The following KLRC4 variants were observed in gnomAD, a reference collection of about 807,000 sequenced individuals.
KLRC4 encodes killer cell lectin like receptor C4.
KLRC4 carries 6 observed loss-of-function variants against 14.3 expected under a neutral mutation model. The observed-to-expected ratio is 0.42, with a 90% CI of 0.23 to 0.83. The LOEUF is 0.83. KLRC4 is among the 40% of genes least tolerant of loss of function. The probability of loss-of-function intolerance (pLI) is 0.29; values close to 1 mark genes in which losing one functional copy is unlikely to be tolerated. For synonymous variants in KLRC4, 53 were observed against 60.5 expected (o/e 0.88, Z 0.57); for missense variants, 158 against 179.4 (o/e 0.88, Z 0.68).
chr12:10,409,299 G>C (rs781114780), intron 1 of KLRC4, 90 bp downstream of exon 1: 2 of 1,318,562 alleles, frequency 1.5e-6, no homozygotes. Flanking sequence ...ATTCTCACAA[G>C]TGCAAAATAT....
rs774458783 is a variant in KLRC4, at chr12:10,408,925, T to C, written c.273A>G (p.Ile91Met). ...IVLMATVLKTIVLIPCIGVLE... is the reference protein window; with the variant it reads ...IVLMATVLKTMVLIPCIGVLE... ...GAATATGCTTACAAGGAATAAGAACTATTGTTTTTAACACAGTGGCCATCA... is the reference window on the plus strand; with the variant it reads ...GAATATGCTTACAAGGAATAAGAACCATTGTTTTTAACACAGTGGCCATCA... Residue 91 changes from isoleucine to methionine, a missense_variant, in exon 2 of 4, where the codon ATA becomes ATG. Ile to Met is a conservative substitution (Grantham distance 10, BLOSUM62 1). Coordinates refer to ENST00000309384, the MANE Select transcript of KLRC4 (RefSeq NM_013431.2). 6.2e-7 allele frequency: 1 copy of C among 1,613,748 alleles called. No individual in the cohort carries two copies. The highest frequency in any genetic ancestry group is 2.2e-5 in the East Asian group (1 of 44,866).
chr12:10,409,376 T>C lies in KLRC4; in HGVS notation c.187+13A>G, dbSNP rs562736105. 1.3e-6 allele frequency: 2 copies of C among 1,597,146 alleles called. No individual in the cohort carries two copies. Among genetic ancestry groups the C allele is most frequent in the South Asian group, 1.1e-5 (1 of 90,708 alleles). Reference sequence around the variant, plus strand: ...CTAGAACAATAATATTGAAGATCTATTTAATGTTTTACCTTTGCAGTGATA... The same window carrying C: ...CTAGAACAATAATATTGAAGATCTACTTAATGTTTTACCTTTGCAGTGATA... On this transcript the variant is annotated intron_variant, in intron 1 of 3. Coordinates refer to ENST00000309384, the MANE Select transcript of KLRC4 (RefSeq NM_013431.2).
At chr12:10,409,108 T>C in intron 1 of KLRC4, 98 bp from the exon 2 acceptor site, 3 of 1,317,834 alleles carry the variant, frequency 2.3e-6, no homozygotes, top group Non-Finnish European at 3.2e-6. Context: ...AACATAATGA[T>C]AAACTCTGTC....
chr12:10,407,546 A>C lies in KLRC4; in HGVS notation c.*107T>G, dbSNP rs1457533442. The C allele has an allele frequency of 1.5e-5, 20 of 1,297,996 alleles. No homozygotes were observed. Among genetic ancestry groups the C allele is most frequent in the Non-Finnish European group, 2.1e-5 (20 of 940,990 alleles). The allele number at this position is 1,297,996 out of a possible 1,614,324, so 80.4% of individuals were successfully genotyped here. A position where few individuals can be genotyped will look rare whatever the true frequency, so the allele number is the denominator to read the frequency against. On this transcript the variant is annotated 3_prime_UTR_variant, in exon 4 of 4. Transcript: ENST00000309384. ...CACAGACTTAAAAATATATGAAGTA[A>C]ATATATGTATAAACATATGGATGAT...
chr12:10,409,501 C>T lies in KLRC4; in HGVS notation c.75G>A (p.Lys25=), dbSNP rs776883631. The T allele has an allele frequency of 6.2e-6, 10 of 1,613,834 alleles. No homozygotes were observed. Among genetic ancestry groups the T allele is most frequent in the South Asian group, 1.1e-5 (1 of 91,074 alleles). ...TTCCTGAAATGGAGATTTTATTGCC[C>T]TTAAGTTTCCTTTGCTGCCTCTTTG... The part of the protein sequence containing the change: ...QDPKRQQRKL[K]GNKISISGTK... The change falls in exon 1 of 4, where the codon AAG becomes AAA. Residue 25 remains lysine (K), a synonymous_variant. Transcript: ENST00000309384.
In KLRC4 at chr12:10,408,949, C is replaced by T. The variant is rs767748334; in HGVS notation, c.249G>A (p.Leu83=). 4 of 1,613,606 alleles carry T rather than the reference C, an allele frequency of 2.5e-6. No individual in the cohort carries two copies. The Admixed American group carries it at 6.7e-5, about 27-fold the overall frequency. Residue 83 remains leucine, a synonymous_variant, in exon 2 of 4, where the codon CTG becomes CTA. Transcript: ENST00000309384. ...CTATTGTTTTTAACACAGTGGCCAT[C>T]AGGACAATGCAAATGATTCCTAGGA... The part of the protein sequence containing the change: ...AEVLGIICIV[L]MATVLKTIVL...
rs780819894 is a variant in KLRC4, at chr12:10,409,011, C to T, written c.188-1G>A. The T allele has an allele frequency of 6.8e-6, 11 of 1,613,520 alleles. No individual in the cohort carries two copies. Among genetic ancestry groups the T allele is most frequent in the Middle Eastern group, 1.6e-4 (1 of 6,076 alleles). ...AGCTTCTCTGGAGGTGGCAGTAAAC[C>T]TGCAGGGAGAGAAAGAGGCACTGAG... On this transcript the variant is annotated splice_acceptor_variant, in intron 1 of 3. Transcript: ENST00000309384. LOFTEE classifies it high-confidence loss of function.
intron 2 of KLRC4, 43 bp downstream of exon 2, chr12:10,408,869 T>A (rs1863541462): frequency 6.2e-7 from 1 of 1,611,290 alleles, no homozygotes; most frequent in Non-Finnish European, 8.5e-7. Flanking sequence ...TTCCAATCAT[T>A]ATAGTGAAAA....
chr12:10,408,082 CTT>C (rs761967727), intron 3 of KLRC4, among the ~76,000 whole-genome samples: 1 of 152,176 alleles, frequency 6.6e-6, no homozygotes, highest in Admixed American at 6.5e-5. Context: ...TTATTTATCT[CTT>C]ATCATCTTAT....
chr12:10,408,294 G>A, intron 3 of KLRC4, 35 bp downstream of exon 3: 2 of 1,235,876 alleles, frequency 1.6e-6, no homozygotes, highest in East Asian at 2.4e-5. Flanking sequence ...AATATAAACT[G>A]TACTAACATC....
At chr12:10,409,314 T>C in intron 1 of KLRC4, 75 bp downstream of exon 1, 1 of 1,435,546 alleles carries the variant, frequency 7.0e-7, no homozygotes, top group African/African-American at 1.4e-5. Context: ...AAATATTCCC[T>C]AATCTTTCCC....
At position 10,408,816 on chromosome 12, in the gene KLRC4, C is replaced by T. The variant is rs1374541639; in HGVS notation, c.286+96G>A. 3.4e-6 allele frequency: 5 copies of T among 1,484,566 alleles called. 1 individual carries two copies. The highest frequency in any genetic ancestry group is 3.9e-4 in the Middle Eastern group (2 of 5,126). The allele number at this position is 1,484,566 out of a possible 1,614,324, so 92.0% of individuals were successfully genotyped here. On this transcript the variant is annotated intron_variant, in intron 2 of 3. Transcript: ENST00000309384. ...TTGGGGTTCAGAGATATACATTAAA[C>T]AGAGAATTCTAATCCTCATTATTAT...
At position 10,409,564 on chromosome 12, in the gene KLRC4, T is replaced by C. The variant is rs147598384; in HGVS notation, c.12A>G (p.Gln4=). Residue 4 remains glutamine, a synonymous_variant, in exon 1 of 4, where the codon CAA becomes CAG. Transcript: ENST00000309384. ...GACTCACTTCTGAGTAGGTTCCTCT[T>C]TGTTTATTCATCTCTGCAGCTGTGT... is the stretch of plus-strand genomic sequence containing the variant. MNK[Q]RGTYSEVSLA... 71 of 1,612,700 alleles carry C rather than the reference T, an allele frequency of 4.4e-5. No individual in the cohort carries two copies. In the African/African-American group the frequency reaches 9.0e-4, roughly 20 times the overall value.
In KLRC4 at chr12:10,408,940, A is replaced by G. The variant is rs1266889594; in HGVS notation, c.258T>C (p.Thr86=). Residue 86 remains threonine, a synonymous_variant, in exon 2 of 4, where the codon ACT becomes ACC. Coordinates refer to ENST00000309384, the MANE Select transcript of KLRC4 (RefSeq NM_013431.2). ...GAATAAGAACTATTGTTTTTAACAC[A>G]GTGGCCATCAGGACAATGCAAATGA... ...LGIICIVLMA[T]VLKTIVLIPC... 5 of 1,613,684 alleles carry G rather than the reference A, an allele frequency of 3.1e-6. No homozygotes were observed. Among genetic ancestry groups the G allele is most frequent in the Non-Finnish European group, 4.2e-6 (5 of 1,179,748 alleles).
At chr12:10,409,282 ACCTCT>A in intron 1 of KLRC4, 102 bp downstream of exon 1, 1 of 1,160,120 alleles carries the variant, frequency 8.6e-7, no homozygotes, top group Non-Finnish European at 1.2e-6. Flanking sequence ...CCTGACTTTG[ACCTCT>A]GATTCTCACA....
rs1364763184 is a variant in KLRC4, at chr12:10,409,556, G to A, written c.20C>T (p.Thr7Ile). ...CTGGGCCAGACTCACTTCTGAGTAG[G>A]TTCCTCTTTGTTTATTCATCTCTGC... Reference protein sequence around the residue: MNKQRGTYSEVSLAQDP... With the variant: MNKQRGIYSEVSLAQDP... Residue 7 changes from threonine (T) to isoleucine (I), a missense_variant, in exon 1 of 4, where the codon ACC (threonine) becomes ATC (isoleucine). Coordinates refer to ENST00000309384, the MANE Select transcript of KLRC4 (RefSeq NM_013431.2). 7 of 1,612,618 alleles carry A rather than the reference G, an allele frequency of 4.3e-6. No homozygotes were observed. The highest frequency in any genetic ancestry group is 5.9e-6 in the Non-Finnish European group (7 of 1,179,592).
chr12:10,408,244 C>A, intron 3 of KLRC4, 85 bp downstream of exon 3: 1 of 827,796 alleles, frequency 1.2e-6, no homozygotes, highest in Admixed American at 2.3e-5. Context: ...TTTATTTTCC[C>A]AAAACATTTT....
intron 1 of KLRC4, 24 bp downstream of exon 1, chr12:10,409,365 T>C (rs1221319453): frequency 2.5e-6 from 4 of 1,587,544 alleles, no homozygotes; most frequent in Admixed American, 1.7e-5. Flanking sequence ...AACAATAATA[T>C]TGAAGATCTA....
At position 10,407,693 on chromosome 12, in the gene KLRC4, CA is replaced by C; in HGVS notation, c.436del (p.Cys146AlafsTer9). The C allele has an allele frequency of 6.2e-7, 1 of 1,613,808 alleles. No homozygotes were observed. The highest frequency in any genetic ancestry group is 8.5e-7 in the Non-Finnish European group (1 of 1,179,824). ...KERRTWEERVCWPVLRRTLIC... is the reference protein window; with the variant it reads ...KERRTWEERVXWPVLRRTLIC... ...CAGAGTTCTTCGAAGCACAGGCCAGCAAACTCTTTCTTCCCAAGTTCTTCTT... is the reference window on the plus strand; with the variant it reads ...CAGAGTTCTTCGAAGCACAGGCCAGCAACTCTTTCTTCCCAAGTTCTTCTT... On this transcript the variant is annotated frameshift_variant, in exon 4 of 4. Coordinates refer to ENST00000309384, the MANE Select transcript of KLRC4 (RefSeq NM_013431.2). LOFTEE classifies it low-confidence loss of function (END_TRUNC).
Sources: gnomAD v4.1 joint callset for allele counts (sites outside exome capture counted in the v4.1 genomes callset) on GRCh38, gnomAD v4.1.1 for gene constraint, MANE v1.5 for transcripts, NCBI Gene and HGNC (gene_info 2026-07-23, HGNC 2026-07-21) for gene names.